Variants in KL observed in about 807,000 individuals in gnomAD.
KL encodes the protein klotho, also known as alpha-klotho.
A neutral mutation model predicts 84.2 loss-of-function variants in KL; 62 were observed. The observed-to-expected ratio is 0.74, with a 90% CI of 0.60 to 0.91. The LOEUF is 0.91. KL is among the 40% of genes least tolerant of loss of function. KL has a pLI of 0.00. For missense variants in KL, 1,261 were observed against 1,305.7 expected, an observed-to-expected ratio of 0.97 and a Z score of 0.53; for synonymous variants, 528 against 528.0, an observed-to-expected ratio of 1.00 and a Z score of 0.00.
At position 33,016,863 on chromosome 13, in the gene KL, G is replaced by A; in HGVS notation, c.423G>A (p.Glu141=). ...NVFRDTEALR[E]LGVTHYRFSI... is the part of the protein sequence containing the mutation. ...TCCGCGACACGGAGGCGCTGCGCGA[G>A]CTCGGGGTCACTCACTACCGCTTCT... The change falls in exon 1 of 5, where the codon GAG becomes GAA. Residue 141 remains glutamate (E), a synonymous_variant. Transcript: ENST00000380099. The A allele has an allele frequency of 6.2e-7, 1 of 1,612,794 alleles. No individual in the cohort carries two copies. Among genetic ancestry groups the A allele is most frequent in the Non-Finnish European group, 8.5e-7 (1 of 1,179,826 alleles).
In KL at chr13:33,016,450, A is replaced by AGCGCC; in HGVS notation, c.11_15dup (p.Pro6AlafsTer121). 1 of 938,616 alleles carries AGCGCC rather than the reference A, an allele frequency of 1.1e-6. No individual in the cohort carries two copies. Among genetic ancestry groups the AGCGCC allele is most frequent in the Non-Finnish European group, 1.3e-6 (1 of 795,056 alleles). The allele number at this position is 938,616 out of a possible 1,614,324, so 58.1% of individuals were successfully genotyped here. A position where few individuals can be genotyped will look rare whatever the true frequency, so the allele number is the denominator to read the frequency against. On this transcript the variant is annotated frameshift_variant, in exon 1 of 5. Transcript: ENST00000380099. LOFTEE classifies it high-confidence loss of function. ...CTGGCTCCCGCGCAGCATGCCCGCC[A>AGCGCC]GCGCCCCGCCGCGCCGCCCGCGGCC...
intron 1 of KL, among the ~76,000 whole-genome samples, chr13:33,044,702 G>A (rs903913728): frequency 7.6e-6 from 1 of 131,998 alleles, no homozygotes; most frequent in African/African-American, 2.8e-5. Flanking sequence ...CCAGGCTGGA[G>A]TGCAGTGGCG....
chr13:33,021,634 G>A (rs1306888878), intron 1 of KL, among the ~76,000 whole-genome samples: 4 of 152,190 alleles, frequency 2.6e-5, no homozygotes, highest in Admixed American at 1.3e-4. Flanking sequence ...TGTAATCCCA[G>A]CACTTTGGGA....
At position 33,060,943 on chromosome 13, in the gene KL, A is replaced by G; in HGVS notation, c.1864A>G (p.Met622Val). Residue 622 changes from methionine to valine, a missense_variant, in exon 4 of 5, where the codon ATG (methionine) becomes GTG (valine). Coordinates refer to ENST00000380099, the MANE Select transcript of KL (RefSeq NM_004795.4). ...NHTILQYYRC[M>V]ASELVRVNIT... is the part of the protein sequence containing the mutation. ...CACCATCCTGCAGTACTATCGCTGC[A>G]TGGCCAGCGAGCTTGTCCGTGTCAA... 1.2e-6 allele frequency: 2 copies of G among 1,612,044 alleles called. No homozygotes were observed. Among genetic ancestry groups the G allele is most frequent in the East Asian group, 2.2e-5 (1 of 44,848 alleles).
In KL at chr13:33,023,508, A is replaced by G. The variant is rs867064433; in HGVS notation, c.819+6249A>G. On this transcript the variant is annotated intron_variant, in intron 1 of 4. Transcript: ENST00000380099. Reference sequence around the variant, plus strand: ...GAAATTATTTCAATAGCATTTGACCAAAAACTATCAAATCATTTTTGAAAT... The same window carrying G: ...GAAATTATTTCAATAGCATTTGACCGAAAACTATCAAATCATTTTTGAAAT... Among the ~76,000 whole-genome samples, 7 of 152,368 alleles carry G rather than the reference A, an allele frequency of 4.6e-5. 1 individual carries two copies. In the South Asian group the frequency reaches 1.4e-3, roughly 32 times the overall value.
rs770835751 is a variant in KL, at chr13:33,060,706, G to T, written c.1627G>T (p.Asp543Tyr). 6.2e-7 allele frequency: 1 copy of T among 1,614,020 alleles called. No individual in the cohort carries two copies. Among genetic ancestry groups the T allele is most frequent in the African/African-American group, 1.3e-5 (1 of 74,904 alleles). ...AGATACCACTCTGTCTCAGTTTACC[G>T]ACCTGAATGTTTACCTGTGGGATGT... ...QVDTTLSQFTDLNVYLWDVHH... is the reference protein window; with the variant it reads ...QVDTTLSQFTYLNVYLWDVHH... Residue 543 changes from aspartate (D) to tyrosine (Y), a missense_variant, in exon 4 of 5, where the codon GAC becomes TAC. Physicochemically the swap from Asp to Tyr is radical, Grantham distance 160. Transcript: ENST00000380099.
At chr13:33,019,220 A>G (rs1381510618) in intron 1 of KL, among the ~76,000 whole-genome samples, 2 of 150,178 alleles carry the variant, frequency 1.3e-5, no homozygotes, top group African/African-American at 2.5e-5. Flanking sequence ...GCGAGTTCCC[A>G]TTGTCAAAGA....
In KL at chr13:33,055,562, G is replaced by T. The variant is rs149397763; in HGVS notation, c.1599+247G>T. On this transcript the variant is annotated intron_variant, in intron 3 of 4. Transcript: ENST00000380099. ...TAAAGCATATCAATATTTAAGATCCGATTAAGACAGTAAAAAGATAAAACA... is the reference window on the plus strand; with the variant it reads ...TAAAGCATATCAATATTTAAGATCCTATTAAGACAGTAAAAAGATAAAACA... 1.5e-3 allele frequency among the ~76,000 whole-genome samples: 224 copies of T among 152,270 alleles called. 1 individual carries two copies. Among genetic ancestry groups the T allele is most frequent in the African/African-American group, 5.1e-3 (210 of 41,572 alleles).
rs376445193 is a variant in KL, at chr13:33,065,837, A to G, written c.*1651A>G. The G allele has an allele frequency of 1.1e-5, 2 of 174,000 alleles. No homozygotes were observed. Among genetic ancestry groups the G allele is most frequent in the African/African-American group, 2.4e-5 (1 of 42,176 alleles). 10.8% of individuals were successfully genotyped at this position (174,000 alleles called of 1,614,324 possible). A position where few individuals can be genotyped will look rare whatever the true frequency, so the allele number is the denominator to read the frequency against. ...TTCCTACGTATTTTATTTTACATAG[A>G]TCATATTGTATATAGTTAGTATCTT... is the stretch of plus-strand genomic sequence containing the variant. On this transcript the variant is annotated 3_prime_UTR_variant, in exon 5 of 5. Transcript: ENST00000380099.
At chr13:33,060,284 G>GT (rs1215553624) in intron 3 of KL, among the ~76,000 whole-genome samples, 3 of 151,804 alleles carry the variant, frequency 2.0e-5, no homozygotes, top group Non-Finnish European at 4.4e-5. Context: ...TTTTCATCTA[G>GT]TTTTTTTTCT....
At chr13:33,031,104 C>T (rs893598769) in intron 1 of KL, among the ~76,000 whole-genome samples, 16 of 152,198 alleles carry the variant, frequency 1.1e-4, no homozygotes, top group East Asian at 5.8e-4. Flanking sequence ...TTTAAAGAGC[C>T]GACTGAGTTC....
Position 33,022,580 on chromosome 13 carries a change from T to C in KL, c.819+5321T>C, listed in dbSNP as rs185926791. ...GTGACTTTTATATGCTCTATTTTGA[T>C]GTATTCTGAGTATGAAGATAACCTG... On this transcript the variant is annotated intron_variant, in intron 1 of 4. Coordinates refer to ENST00000380099, the MANE Select transcript of KL (RefSeq NM_004795.4). 2.2e-3 allele frequency among the ~76,000 whole-genome samples: 331 copies of C among 152,360 alleles called. 1 individual carries two copies. The highest frequency in any genetic ancestry group is 0.02 in the Middle Eastern group (6 of 294).
intron 4 of KL, among the ~76,000 whole-genome samples, chr13:33,062,494 G>A (rs1254969833): frequency 6.6e-6 from 1 of 151,764 alleles, no homozygotes; most frequent in Non-Finnish European, 1.5e-5. Flanking sequence ...CCAACATGGT[G>A]AAACCCCGTC....
intron 1 of KL, among the ~76,000 whole-genome samples, chr13:33,020,861 A>G (rs1870550612): frequency 6.6e-6 from 1 of 152,092 alleles, no homozygotes; most frequent in African/African-American, 2.4e-5. Flanking sequence ...GGGTGACATT[A>G]TGTGTGGACA....
rs1339273876 is a variant in KL, at chr13:33,044,519, G to A, written c.820-9248G>A. Among the ~76,000 whole-genome samples the A allele has an allele frequency of 4.0e-5, 6 of 151,612 alleles. No homozygotes were observed. In the East Asian group the frequency reaches 1.2e-3, roughly 29 times the overall value. On this transcript the variant is annotated intron_variant, in intron 1 of 4. Transcript: ENST00000380099. ...AATGTGTTATAATTGTAGCAAACTT[G>A]CACATCTTTTGTTAAATTATTTTCT...
intron 1 of KL, among the ~76,000 whole-genome samples, chr13:33,042,385 A>G (rs1871369095): frequency 6.6e-6 from 1 of 152,158 alleles, no homozygotes; most frequent in South Asian, 2.1e-4. Flanking sequence ...GTGACTTCTA[A>G]TCAATTCTCA....
chr13:33,055,217 A>G lies in KL; in HGVS notation c.1501A>G (p.Ile501Val), dbSNP rs2138234490. 1.2e-6 allele frequency: 2 copies of G among 1,614,232 alleles called. No individual in the cohort carries two copies. The highest frequency in any genetic ancestry group is 4.5e-5 in the East Asian group (2 of 44,882). Residue 501 changes from isoleucine to valine, a missense_variant, in exon 3 of 5, where the codon ATA becomes GTA. Transcript: ENST00000380099. ...KSSALFYQKL[I>V]EKNGFPPLPE... The stretch of plus-strand genomic sequence containing the variant: ...TTCAGCCTTGTTCTACCAAAAGCTG[A>G]TAGAGAAAAATGGCTTCCCTCCTTT...
chr13:33,043,367 G>A (rs1362884074), intron 1 of KL, among the ~76,000 whole-genome samples: 4 of 151,840 alleles, frequency 2.6e-5, no homozygotes, highest in African/African-American at 9.7e-5. Context: ...CTACAGAGGC[G>A]TGCCACCACA....
At chr13:33,032,244 C>T (rs1287529468) in intron 1 of KL, among the ~76,000 whole-genome samples, 3 of 152,164 alleles carry the variant, frequency 2.0e-5, no homozygotes, top group African/African-American at 7.2e-5. Flanking sequence ...AACACTAACC[C>T]AGATACATCT....
Sources: allele counts gnomAD v4.1 joint callset (sites outside exome capture counted in the v4.1 genomes callset), GRCh38; gene constraint gnomAD v4.1.1; transcripts MANE v1.5; gene names NCBI Gene and HGNC (gene_info 2026-07-23, HGNC 2026-07-21).